Variants in NAA25 observed in about 807,000 individuals in gnomAD.
The protein encoded by NAA25 is N-terminal acetyltransferase B complex subunit NAA25.
NAA25 carries 30 observed loss-of-function variants against 132.5 expected under a neutral mutation model. The observed-to-expected ratio is 0.23, with a 90% CI of 0.17 to 0.31. The LOEUF is 0.31. Ranked by LOEUF, NAA25 falls within the 10% of genes least tolerant of loss-of-function variation. NAA25 has a pLI of 1.00. For missense variants in NAA25, 771 were observed against 1,150.4 expected (o/e 0.67, Z 4.77); for synonymous variants, 359 against 401.9 (o/e 0.89, Z 1.28).
At chr12:112,062,627 G>A (rs2078651640) in intron 11 of NAA25, among the ~76,000 whole-genome samples, 1 of 151,868 alleles carries the variant, frequency 6.6e-6, no homozygotes, top group African/African-American at 2.4e-5. Context: ...TCAGGAGGGT[G>A]AGGCAGGAGA....
At chr12:112,035,068 T>C (rs1381405747) in intron 22 of NAA25, 2 of 152,192 alleles carry the variant, frequency 1.3e-5, no homozygotes, top group Non-Finnish European at 2.9e-5. Context: ...CAGAACCTTC[T>C]GGATAGCAGG....
At chr12:112,084,056 C>T (rs2136914239) in intron 4 of NAA25, among the ~76,000 whole-genome samples, 1 of 152,278 alleles carries the variant, frequency 6.6e-6, no homozygotes, top group East Asian at 1.9e-4. Context: ...CTCTGATAAT[C>T]TGCTGAAACA....
intron 13 of NAA25, among the ~76,000 whole-genome samples, chr12:112,057,937 T>C (rs938214452): frequency 1.3e-5 from 2 of 152,084 alleles, no homozygotes; most frequent in Non-Finnish European, 2.9e-5. Context: ...GCCAAGATTG[T>C]GCCATTGCAC....
chr12:112,049,309 C>A lies in NAA25; in HGVS notation c.1729-866G>T, dbSNP rs942564803. Reference sequence around the variant, plus strand: ...ATCAGGATCAGAAGACAGGAGATTACCCCTTTGGGCCAAGGAAACTATTAT... The same window carrying A: ...ATCAGGATCAGAAGACAGGAGATTAACCCTTTGGGCCAAGGAAACTATTAT... On this transcript the variant is annotated intron_variant, in intron 15 of 23. Transcript: ENST00000261745. The surrounding 1 kb of genome is among the most constrained non-coding windows in gnomAD (Gnocchi z 4.7). Among the ~76,000 whole-genome samples the A allele has an allele frequency of 1.1e-4, 16 of 152,184 alleles. 1 individual carries two copies. The highest frequency in any genetic ancestry group is 3.9e-4 in the African/African-American group (16 of 41,446).
At chr12:112,065,331 T>C (rs936023076) in intron 11 of NAA25, among the ~76,000 whole-genome samples, 8 of 152,260 alleles carry the variant, frequency 5.3e-5, no homozygotes, top group Non-Finnish European at 1.2e-4. Flanking sequence ...ACCCCATCTC[T>C]ACTAAAAATA....
chr12:112,094,788 T>C (rs568582813), intron 1 of NAA25, among the ~76,000 whole-genome samples: 1 of 152,120 alleles, frequency 6.6e-6, no homozygotes, highest in Admixed American at 6.6e-5. Context: ...GCCTCCCGAG[T>C]AGCTGGGATT....
At chr12:112,066,138 A>T (rs1292750836) in intron 11 of NAA25, among the ~76,000 whole-genome samples, 1 of 152,158 alleles carries the variant, frequency 6.6e-6, no homozygotes, top group African/African-American at 2.4e-5. Flanking sequence ...TCTCAAACAC[A>T]CCAATGAAGT....
At chr12:112,108,592 G>T in intron 1 of NAA25, 124 bp downstream of exon 1, 1 of 1,070,320 alleles carries the variant, frequency 9.3e-7, no homozygotes, top group Non-Finnish European at 1.2e-6. Flanking sequence ...TGGCCCGCGC[G>T]GCCCGCCCCC....
chr12:112,037,316 ATATATT>A (rs1172404182), intron 22 of NAA25, among the ~76,000 whole-genome samples: 4 of 125,916 alleles, frequency 3.2e-5, no homozygotes, highest in East Asian at 2.7e-4. Context: ...ATATATATAT[ATATATT>A]CAAATTGGAA....
intron 5 of NAA25, among the ~76,000 whole-genome samples, chr12:112,080,137 C>T (rs2078949848): frequency 6.6e-6 from 1 of 151,512 alleles, no homozygotes; most frequent in African/African-American, 2.4e-5. Context: ...AAAAATTAGC[C>T]GGGCATGGTA....
intron 23 of NAA25, 94 bp from the exon 24 acceptor site, chr12:112,029,747 T>C (rs2078125215): frequency 2.6e-6 from 4 of 1,518,242 alleles, no homozygotes; most frequent in South Asian, 2.5e-5. Flanking sequence ...CCATTACCTT[T>C]GGTCTCATTG....
chr12:112,092,504 G>A (rs377649636), intron 2 of NAA25, among the ~76,000 whole-genome samples: 2 of 151,982 alleles, frequency 1.3e-5, no homozygotes, highest in South Asian at 4.1e-4. Context: ...GCGCATGCCT[G>A]TAATCTCAAC....
chr12:112,107,245 G>A (rs1338562284), intron 1 of NAA25, among the ~76,000 whole-genome samples: 2 of 152,106 alleles, frequency 1.3e-5, no homozygotes, highest in East Asian at 3.8e-4. Context: ...GGACGACAGA[G>A]TGAGACTCAT....
Position 112,088,379 on chromosome 12 carries a change from T to C in NAA25, c.284-578A>G, listed in dbSNP as rs536689079. Reference sequence around the variant, plus strand: ...TCTCACTCTGTCGCCCAGGCTGGAGTGCAATGGCACAATCACGGCTCACTG... The same window carrying C: ...TCTCACTCTGTCGCCCAGGCTGGAGCGCAATGGCACAATCACGGCTCACTG... On this transcript the variant is annotated intron_variant, in intron 3 of 23. Coordinates refer to ENST00000261745, the MANE Select transcript of NAA25 (RefSeq NM_024953.4). Among the ~76,000 whole-genome samples the C allele has an allele frequency of 2.8e-4, 39 of 137,296 alleles. No homozygotes were observed. In the South Asian group the frequency reaches 9.6e-3, roughly 34 times the overall value. The allele number at this position is 137,296 out of a possible 152,430, so 90.1% of individuals were successfully genotyped here. A position where few individuals can be genotyped will look rare whatever the true frequency, so the allele number is the denominator to read the frequency against.
At chr12:112,045,710 C>T (rs2078371404) in intron 17 of NAA25, among the ~76,000 whole-genome samples, 1 of 149,440 alleles carries the variant, frequency 6.7e-6, no homozygotes, top group Non-Finnish European at 1.5e-5. Context: ...CAGGAGAATC[C>T]CTTGAACCCA....
intron 4 of NAA25, among the ~76,000 whole-genome samples, chr12:112,085,191 C>T (rs2079028439): frequency 6.6e-6 from 1 of 152,138 alleles, no homozygotes; most frequent in African/African-American, 2.4e-5. Flanking sequence ...GATCACACCA[C>T]TGCACTCCAG....
intron 13 of NAA25, among the ~76,000 whole-genome samples, chr12:112,055,257 C>G (rs905610101): frequency 2.6e-5 from 4 of 152,042 alleles, no homozygotes; most frequent in African/African-American, 9.7e-5. Context: ...CATATAACTA[C>G]TTGACGTTAA....
chr12:112,048,094 T>A (rs1394161517), intron 16 of NAA25, among the ~76,000 whole-genome samples, 198 bp downstream of exon 16: 1 of 152,170 alleles, frequency 6.6e-6, no homozygotes. Context: ...AAATGGCTTC[T>A]GTAATGGTCT....
chr12:112,104,835 C>CAAAAAA (rs71083201), intron 1 of NAA25, among the ~76,000 whole-genome samples: 2 of 138,840 alleles, frequency 1.4e-5, no homozygotes, highest in East Asian at 2.7e-4. Flanking sequence ...GACTCCATCT[C>CAAAAAA]AAAAAAAAAA....
Sources: gnomAD v4.1 joint callset for allele counts (sites outside exome capture counted in the v4.1 genomes callset) on GRCh38, gnomAD v4.1.1 for gene constraint, Gnocchi (gnomAD v3.1) non-coding constraint, MANE v1.5 for transcripts, NCBI Gene and HGNC (gene_info 2026-07-23, HGNC 2026-07-21) for gene names.